Variants in SPAG6 observed in about 807,000 individuals in gnomAD.
SPAG6 encodes the protein sperm associated antigen 6, also known as sperm-associated antigen 6.
SPAG6 carries 49 observed loss-of-function variants against 58.5 expected under a neutral mutation model. The ratio of observed to expected loss-of-function variants is 0.84; its 90% confidence interval spans 0.67 to 1.06. The LOEUF is 1.06. SPAG6 is among the 50% of genes least tolerant of loss of function. The pLI, the probability that SPAG6 is intolerant of heterozygous loss-of-function variation, is 0.00. For missense variants in SPAG6, 560 were observed against 611.3 expected (o/e 0.92, Z 0.89); for synonymous variants, 233 against 225.6 (o/e 1.03, Z -0.29).
At chr10:22,390,078 A>G (rs779891681) in intron 7 of SPAG6, among the ~76,000 whole-genome samples, 16 of 152,028 alleles carry the variant, frequency 1.1e-4, no homozygotes, top group Non-Finnish European at 1.6e-4. Flanking sequence ...GATTTTTTTT[A>G]TCCCTTACTA....
intron 2 of SPAG6, among the ~76,000 whole-genome samples, chr10:22,351,436 T>G (rs560255078): frequency 3.9e-5 from 6 of 152,168 alleles, no homozygotes; most frequent in Non-Finnish European, 8.8e-5. Context: ...CCTGTCTGCA[T>G]GAAGTGCAGG....
intron 8 of SPAG6, among the ~76,000 whole-genome samples, chr10:22,400,024 T>C (rs1834373944): frequency 6.6e-6 from 1 of 152,210 alleles, no homozygotes; most frequent in South Asian, 2.1e-4. Flanking sequence ...GCAAGACTGC[T>C]TAGCCTGGGT....
Position 22,413,536 on chromosome 10 carries a change from A to C in SPAG6, c.1460+2360A>C, listed in dbSNP as rs543118155. ...TGACAGAGGGAGACTCCGTCTCACA[A>C]AAAAAAAAAATTAATCTAGTGCTTT... is the stretch of plus-strand genomic sequence containing the variant. On this transcript the variant is annotated intron_variant, in intron 10 of 10. Transcript: ENST00000376624. Among the ~76,000 whole-genome samples, 22 of 149,550 alleles carry C rather than the reference A, an allele frequency of 1.5e-4. No individual in the cohort carries two copies. In the East Asian group the frequency reaches 1.9e-3, roughly 13 times the overall value.
intron 8 of SPAG6, among the ~76,000 whole-genome samples, chr10:22,399,672 T>C (rs1834367575): frequency 6.6e-6 from 1 of 152,220 alleles, no homozygotes; most frequent in Non-Finnish European, 1.5e-5. Flanking sequence ...GAATTTCTAG[T>C]GTCATTAGAC....
At position 22,378,754 on chromosome 10, in the gene SPAG6, G is replaced by GT. The variant is rs199573719; in HGVS notation, c.473-7992dup. Among the ~76,000 whole-genome samples, 378 of 151,666 alleles carry GT rather than the reference G, an allele frequency of 2.5e-3. 1 individual carries two copies. The highest frequency in any genetic ancestry group is 8.5e-3 in the African/African-American group (351 of 41,342). On this transcript the variant is annotated intron_variant, in intron 4 of 10. Coordinates refer to ENST00000376624, the MANE Select transcript of SPAG6 (RefSeq NM_012443.4). Reference sequence around the variant, plus strand: ...GGCTATAACCAAGTGTTTTTGTTTTGTTTTTTTTCTCACTTTCCTTTTGTC... The same window carrying GT: ...GGCTATAACCAAGTGTTTTTGTTTTGTTTTTTTTTCTCACTTTCCTTTTGTC...
chr10:22,414,985 T>C (rs1366898095), intron 10 of SPAG6, among the ~76,000 whole-genome samples: 1 of 152,116 alleles, frequency 6.6e-6, no homozygotes, highest in African/African-American at 2.4e-5. Context: ...AGGCTGGTCT[T>C]GAACTCCTGA....
chr10:22,378,072 T>TC (rs1277075588), intron 4 of SPAG6, among the ~76,000 whole-genome samples: 1 of 146,234 alleles, frequency 6.8e-6, no homozygotes, highest in African/African-American at 2.5e-5. Flanking sequence ...TTTTTTTTTT[T>TC]TTTCTTTTTG....
At chr10:22,383,246 G>T (rs894148823) in intron 4 of SPAG6, among the ~76,000 whole-genome samples, 1 of 152,146 alleles carries the variant, frequency 6.6e-6, no homozygotes, top group Admixed American at 6.5e-5. Flanking sequence ...CCATGTTTGA[G>T]TTTAAAATGA....
In SPAG6 at chr10:22,345,866, C is replaced by T; in HGVS notation, c.121+48C>T. 1.9e-6 allele frequency: 3 copies of T among 1,586,030 alleles called. No homozygotes were observed. The highest frequency in any genetic ancestry group is 2.6e-6 in the Non-Finnish European group (3 of 1,166,822). Reference sequence around the variant, plus strand: ...CGTCGCCCCCCGCGCACTGAGTCCCCGACGCCTCCGCCCCGCTGCCCTGCC... The same window carrying T: ...CGTCGCCCCCCGCGCACTGAGTCCCTGACGCCTCCGCCCCGCTGCCCTGCC... On this transcript the variant is annotated intron_variant, in intron 2 of 10. Coordinates refer to ENST00000376624, the MANE Select transcript of SPAG6 (RefSeq NM_012443.4). This position sits in a 1 kb window ranked among gnomAD's most constrained non-coding sequence, Gnocchi z 6.3.
Position 22,384,709 on chromosome 10 carries a change from T to C in SPAG6, c.473-2045T>C, listed in dbSNP as rs576524030. 1.6e-4 allele frequency among the ~76,000 whole-genome samples: 25 copies of C among 152,312 alleles called. No individual in the cohort carries two copies. In the South Asian group the frequency reaches 5.0e-3, roughly 30 times the overall value. ...AGCTTCATGGCAAATCTTTTTCCAC[T>C]GCCATCCCCGGCCTTCCCCACATTT... is the stretch of plus-strand genomic sequence containing the variant. On this transcript the variant is annotated intron_variant, in intron 4 of 10. Coordinates refer to ENST00000376624, the MANE Select transcript of SPAG6 (RefSeq NM_012443.4).
chr10:22,348,901 C>T (rs1313288164), intron 2 of SPAG6, among the ~76,000 whole-genome samples: 1 of 152,172 alleles, frequency 6.6e-6, no homozygotes, highest in Non-Finnish European at 1.5e-5. Context: ...GGTGCTATCT[C>T]AGCTCAATGC....
chr10:22,376,427 G>A (rs1262885500), intron 4 of SPAG6, among the ~76,000 whole-genome samples: 1 of 152,038 alleles, frequency 6.6e-6, no homozygotes, highest in South Asian at 2.1e-4. Flanking sequence ...GGCTAATTTC[G>A]AGTTTTAAAT....
chr10:22,361,833 A>C (rs563124242), intron 2 of SPAG6, among the ~76,000 whole-genome samples: 1 of 151,938 alleles, frequency 6.6e-6, no homozygotes, highest in East Asian at 1.9e-4. Context: ...AACACTTAAA[A>C]TTAAATATTA....
intron 9 of SPAG6, among the ~76,000 whole-genome samples, chr10:22,407,269 C>G (rs757461071): frequency 6.6e-6 from 1 of 151,924 alleles, no homozygotes; most frequent in Non-Finnish European, 1.5e-5. Flanking sequence ...TTTGCAGCAG[C>G]TGGTATCGGT....
At chr10:22,379,252 T>C (rs576743178) in intron 4 of SPAG6, among the ~76,000 whole-genome samples, 2 of 152,312 alleles carry the variant, frequency 1.3e-5, no homozygotes, top group South Asian at 4.1e-4. Context: ...GGAGGGATGT[T>C]GTCTTGCAGA....
At chr10:22,390,493 T>G (rs772708768) in intron 7 of SPAG6, among the ~76,000 whole-genome samples, 1 of 152,192 alleles carries the variant, frequency 6.6e-6, no homozygotes, top group African/African-American at 2.4e-5. Flanking sequence ...GCAAGCCACA[T>G]AGTATGGTAG....
chr10:22,398,218 C>A (rs571448567), intron 8 of SPAG6, among the ~76,000 whole-genome samples: 2 of 152,252 alleles, frequency 1.3e-5, no homozygotes, highest in East Asian at 1.9e-4. Flanking sequence ...AATTTGGACC[C>A]TTATCTCATA....
At chr10:22,365,938 G>C (rs1837185979) in intron 3 of SPAG6, among the ~76,000 whole-genome samples, 2 of 152,138 alleles carry the variant, frequency 1.3e-5, no homozygotes, top group Non-Finnish European at 2.9e-5. Context: ...AGGGCATGGA[G>C]AAATTGGAAC....
At chr10:22,375,872 C>T (rs372802585) in intron 4 of SPAG6, among the ~76,000 whole-genome samples, 46 of 152,138 alleles carry the variant, frequency 3.0e-4, no homozygotes, top group South Asian at 1.2e-3. Flanking sequence ...CCATTGTGCC[C>T]GGCCACCTCA....
Sources: allele counts gnomAD v4.1 joint callset (sites outside exome capture counted in the v4.1 genomes callset), GRCh38; gene constraint gnomAD v4.1.1; non-coding constraint Gnocchi (gnomAD v3.1); transcripts MANE v1.5; gene names NCBI Gene and HGNC (gene_info 2026-07-23, HGNC 2026-07-21).